The following ELMO1 variants were observed in gnomAD, a reference collection of about 807,000 sequenced individuals.
ELMO1 encodes engulfment and cell motility 1, also known as engulfment and cell motility protein 1.
ELMO1 carries 26 observed loss-of-function variants against 98.9 expected under a neutral mutation model. That is an observed-to-expected ratio of 0.26 (90% confidence interval 0.19 to 0.36). ELMO1 has a LOEUF of 0.36. Among genes scored for constraint, ELMO1 ranks in the 10% least tolerant of loss-of-function variants. The probability of loss-of-function intolerance (pLI) is 1.00; values close to 1 mark genes in which losing one functional copy is unlikely to be tolerated. For missense variants in ELMO1, 627 were observed against 935.2 expected, an observed-to-expected ratio of 0.67 and a Z score of 4.30; for synonymous variants, 346 against 346.0, an observed-to-expected ratio of 1.00 and a Z score of 0.00.
chr7:36,888,175 T>C (rs868647614), intron 17 of ELMO1, among the ~76,000 whole-genome samples: 7 of 152,288 alleles, frequency 4.6e-5, no homozygotes, highest in Non-Finnish European at 5.9e-5. Context: ...AATTCCATCA[T>C]TCACAAATGG....
chr7:36,925,058 T>A (rs4723601), intron 16 of ELMO1, among the ~76,000 whole-genome samples: 1 of 152,016 alleles, frequency 6.6e-6, no homozygotes, highest in Non-Finnish European at 1.5e-5. Context: ...TGCTACACGT[T>A]GTACAATGCA....
At chr7:36,860,633 C>T (rs1339498482) in intron 21 of ELMO1, among the ~76,000 whole-genome samples, 5 of 152,196 alleles carry the variant, frequency 3.3e-5, no homozygotes, top group African/African-American at 1.2e-4. Flanking sequence ...TTGTACACAG[C>T]TCTATACATC....
chr7:37,399,237 G>A (rs181881697), intron 1 of ELMO1, among the ~76,000 whole-genome samples: 68 of 152,320 alleles, frequency 4.5e-4, no homozygotes, highest in Middle Eastern at 3.4e-3. Context: ...CAACAAACTC[G>A]TGCAGAAGGG....
chr7:37,425,927 C>G (rs538111931), intron 1 of ELMO1, among the ~76,000 whole-genome samples: 4 of 152,274 alleles, frequency 2.6e-5, no homozygotes, highest in Non-Finnish European at 5.9e-5. Flanking sequence ...GTCTCCAGAA[C>G]AAGACTCTGG....
chr7:37,151,416 G>A (rs1788351034), intron 13 of ELMO1, among the ~76,000 whole-genome samples: 1 of 152,258 alleles, frequency 6.6e-6, no homozygotes, highest in East Asian at 1.9e-4. Flanking sequence ...CAATTAGGCC[G>A]GCTCCCGGTG....
At chr7:37,013,696 G>T (rs968148225) in intron 15 of ELMO1, 3 of 390,186 alleles carry the variant, frequency 7.7e-6, no homozygotes, top group Non-Finnish European at 1.4e-5. Context: ...GCCAGGACAA[G>T]ACCCTCTTGG....
At chr7:36,970,718 T>G (rs1789867755) in intron 16 of ELMO1, among the ~76,000 whole-genome samples, 2 of 152,354 alleles carry the variant, frequency 1.3e-5, no homozygotes, top group Middle Eastern at 3.4e-3. Context: ...GCACAATAGC[T>G]TCCTGTCTTC....
intron 15 of ELMO1, among the ~76,000 whole-genome samples, chr7:37,085,414 T>C (rs1204651539): frequency 3.9e-5 from 6 of 152,242 alleles, no homozygotes; most frequent in Non-Finnish European, 7.3e-5. Context: ...TTTCATCATC[T>C]TTTCAGTGCA....
At chr7:37,390,410 AG>A (rs1326027796) in intron 1 of ELMO1, among the ~76,000 whole-genome samples, 1 of 151,828 alleles carries the variant, frequency 6.6e-6, no homozygotes, top group Non-Finnish European at 1.5e-5. Flanking sequence ...ACAAAGACAC[AG>A]GTCAGTAGGG....
chr7:37,242,813 C>G (rs1584862092), intron 7 of ELMO1, among the ~76,000 whole-genome samples: 1 of 152,146 alleles, frequency 6.6e-6, no homozygotes, highest in Non-Finnish European at 1.5e-5. Context: ...GCTCTGCAGT[C>G]CCAAACTACA....
chr7:37,370,143 A>G (rs1337183360), intron 1 of ELMO1, among the ~76,000 whole-genome samples: 4 of 152,184 alleles, frequency 2.6e-5, no homozygotes, highest in African/African-American at 9.7e-5. Flanking sequence ...TTCCAAGTGA[A>G]GACCTGGAAG....
intron 20 of ELMO1, among the ~76,000 whole-genome samples, chr7:36,866,410 G>C (rs1458757329): frequency 6.6e-6 from 1 of 152,138 alleles, no homozygotes; most frequent in Non-Finnish European, 1.5e-5. Flanking sequence ...CAGAAAGACA[G>C]GACCCCAGCT....
chr7:36,856,902 C>T (rs1489792283), intron 21 of ELMO1, among the ~76,000 whole-genome samples: 5 of 152,212 alleles, frequency 3.3e-5, no homozygotes, highest in South Asian at 2.1e-4. Flanking sequence ...CTAGTTCAAG[C>T]GGCAATTCCA....
intron 13 of ELMO1, among the ~76,000 whole-genome samples, chr7:37,169,378 G>A (rs961974837): frequency 1.3e-5 from 2 of 152,178 alleles, no homozygotes; most frequent in Non-Finnish European, 2.9e-5. Context: ...GCACTCCCTA[G>A]TGAGATGAAC....
At chr7:37,291,304 G>T (rs969238169) in intron 4 of ELMO1, among the ~76,000 whole-genome samples, 9 of 152,090 alleles carry the variant, frequency 5.9e-5, no homozygotes, top group Admixed American at 2.0e-4. Flanking sequence ...TATAGCTAGA[G>T]AAAGTGCTTT....
At chr7:37,390,900 G>A (rs1419174496) in intron 1 of ELMO1, among the ~76,000 whole-genome samples, 1 of 152,162 alleles carries the variant, frequency 6.6e-6, no homozygotes, top group African/African-American at 2.4e-5. Flanking sequence ...AAATTGACCT[G>A]GTGACCCTGT....
chr7:37,293,937 G>A (rs1000586257), intron 4 of ELMO1, among the ~76,000 whole-genome samples: 1 of 151,456 alleles, frequency 6.6e-6, no homozygotes, highest in East Asian at 1.9e-4. Context: ...TTTGCTTTTG[G>A]TGTCATTGAG....
intron 1 of ELMO1, among the ~76,000 whole-genome samples, chr7:37,350,673 C>T (rs997144083): frequency 1.3e-5 from 2 of 152,154 alleles, no homozygotes; most frequent in African/African-American, 4.8e-5. Flanking sequence ...TGAATTGTGT[C>T]CCCCTCAAAA....
chr7:36,865,714 C>T (rs188366110), intron 20 of ELMO1, among the ~76,000 whole-genome samples: 8 of 152,296 alleles, frequency 5.3e-5, no homozygotes, highest in Non-Finnish European at 1.0e-4. Flanking sequence ...TCCCAGGCTC[C>T]ATGTTTAATT....
Sources: gnomAD v4.1 joint callset for allele counts (sites outside exome capture counted in the v4.1 genomes callset) on GRCh38, gnomAD v4.1.1 for gene constraint, MANE v1.5 for transcripts, NCBI Gene and HGNC (gene_info 2026-07-23, HGNC 2026-07-21) for gene names.